Variants in CEP15 observed in about 807,000 individuals in gnomAD.
CEP15 encodes centrosomal protein 15.
At chr3:62,335,528 A>G in the CEP15 span, 1 of 151,700 alleles carries the variant, frequency 6.6e-6, no homozygotes, top group Non-Finnish European at 1.5e-5. Context: ...TCCTCATGGC[A>G]AATTAGCTTT....
the CEP15 span, chr3:62,333,452 T>C: frequency 6.5e-7 from 1 of 1,533,248 alleles, no homozygotes; most frequent in Non-Finnish European, 8.8e-7. The surrounding 1 kb of genome is among the most constrained non-coding windows in gnomAD (Gnocchi z 4.0). Flanking sequence ...TGTATGTAGG[T>C]TATTGCAGGA....
At chr3:62,334,577 G>T in the CEP15 span, 1 of 152,210 alleles carries the variant, frequency 6.6e-6, no homozygotes, top group East Asian at 1.9e-4. The surrounding 1 kb of genome is among the most constrained non-coding windows in gnomAD (Gnocchi z 4.9). Context: ...GGAATAAACA[G>T]CACAGGGTGT....
At chr3:62,320,544 T>C in the CEP15 span, 1 of 1,585,338 alleles carries the variant, frequency 6.3e-7, no homozygotes, top group African/African-American at 1.3e-5. Context: ...TTTAAAGGGA[T>C]GATTCAGATA....
chr3:62,319,031 C>A, the CEP15 span: 1 of 152,234 alleles, frequency 6.6e-6, no homozygotes, highest in Non-Finnish European at 1.5e-5. Context: ...TGGTGCCTTC[C>A]CGGAAGGGCT....
At chr3:62,331,441 C>G in the CEP15 span, 4 of 1,498,130 alleles carry the variant, frequency 2.7e-6, 1 homozygote, top group South Asian at 2.3e-5. Flanking sequence ...GAGACCCTAT[C>G]TATCTATCAG....
chr3:62,320,502 C>T, the CEP15 span: 2 of 1,611,900 alleles, frequency 1.2e-6, no homozygotes, highest in South Asian at 2.2e-5. Flanking sequence ...AGAAATTCGC[C>T]TTTCTAAAAG....
At chr3:62,334,099 T>C in the CEP15 span, 1 of 152,156 alleles carries the variant, frequency 6.6e-6, no homozygotes, top group Non-Finnish European at 1.5e-5. This position sits in a 1 kb window ranked among gnomAD's most constrained non-coding sequence, Gnocchi z 4.9. Context: ...ACCCCACTCT[T>C]GTCTTTTCAT....
At chr3:62,322,370 T>A in the CEP15 span, 3 of 205,392 alleles carry the variant, frequency 1.5e-5, no homozygotes, top group Non-Finnish European at 2.9e-5. The surrounding 1 kb of genome is among the most constrained non-coding windows in gnomAD (Gnocchi z 5.5). Context: ...ATCTTTCATC[T>A]TCTTTTATTT....
the CEP15 span, among the ~76,000 whole-genome samples, chr3:62,326,125 G>A: frequency 1.3e-5 from 2 of 151,766 alleles, no homozygotes; most frequent in African/African-American, 4.8e-5. Flanking sequence ...GAATGAGAAA[G>A]TGCTGCAGCC....
At chr3:62,326,020 C>G in the CEP15 span, among the ~76,000 whole-genome samples, 2 of 91,876 alleles carry the variant, frequency 2.2e-5, no homozygotes, top group African/African-American at 1.2e-4. Context: ...GAGACTTCGT[C>G]TCAAAAAAAA....
At chr3:62,322,057 A>C in the CEP15 span, 1 of 1,600,916 alleles carries the variant, frequency 6.2e-7, no homozygotes, top group Admixed American at 1.8e-5. The surrounding 1 kb of genome is among the most constrained non-coding windows in gnomAD (Gnocchi z 5.5). Flanking sequence ...TTTAAAGGTA[A>C]GTTTCCATGA....
At chr3:62,331,904 A>G in the CEP15 span, among the ~76,000 whole-genome samples, 1 of 152,286 alleles carries the variant, frequency 6.6e-6, no homozygotes, top group Non-Finnish European at 1.5e-5. Context: ...TATATTTGGT[A>G]TATGAATATG....
chr3:62,331,875 A>G, the CEP15 span, among the ~76,000 whole-genome samples: 2 of 152,154 alleles, frequency 1.3e-5, no homozygotes, highest in Non-Finnish European at 2.9e-5. Flanking sequence ...GATTGGGAAG[A>G]TGGTTAGCAA....
the CEP15 span, among the ~76,000 whole-genome samples, chr3:62,329,831 A>G: frequency 6.6e-6 from 1 of 152,320 alleles, no homozygotes; most frequent in East Asian, 1.9e-4. Context: ...TAGAATAATG[A>G]CCATAATTGG....
chr3:62,327,046 G>A, the CEP15 span, among the ~76,000 whole-genome samples: 1 of 152,080 alleles, frequency 6.6e-6, no homozygotes, highest in East Asian at 1.9e-4. Flanking sequence ...GTACTTGATT[G>A]ATAAGTCTCT....
chr3:62,332,372 G>A, the CEP15 span, among the ~76,000 whole-genome samples: 1 of 152,120 alleles, frequency 6.6e-6, no homozygotes, highest in African/African-American at 2.4e-5. Context: ...TCAACTTTCA[G>A]AACTGCTGTA....
chr3:62,334,344 T>C, the CEP15 span: 4 of 152,106 alleles, frequency 2.6e-5, no homozygotes, highest in African/African-American at 9.7e-5. The surrounding 1 kb of genome is among the most constrained non-coding windows in gnomAD (Gnocchi z 4.9). Context: ...GTTTTAAATT[T>C]CAAACTGGTT....
the CEP15 span, among the ~76,000 whole-genome samples, chr3:62,330,522 G>A: frequency 6.6e-6 from 1 of 152,258 alleles, no homozygotes; most frequent in African/African-American, 2.4e-5. Flanking sequence ...TTTACTTCAT[G>A]TATATATCAA....
At chr3:62,334,813 T>C in the CEP15 span, 4 of 152,160 alleles carry the variant, frequency 2.6e-5, no homozygotes, top group East Asian at 7.7e-4. This position sits in a 1 kb window ranked among gnomAD's most constrained non-coding sequence, Gnocchi z 4.9. Context: ...TCTGTTACAT[T>C]ACAGTTTGGT....
Sources: gnomAD v4.1 joint callset for allele counts (sites outside exome capture counted in the v4.1 genomes callset) on GRCh38, gnomAD v4.1.1 for gene constraint, Gnocchi (gnomAD v3.1) non-coding constraint, MANE v1.5 for transcripts, NCBI Gene and HGNC (gene_info 2026-07-23, HGNC 2026-07-21) for gene names.